RASA1: variants seen among roughly 807,000 people sequenced by gnomAD.
The protein encoded by RASA1 is RAS p21 protein activator 1, also known as ras GTPase-activating protein 1.
Under a neutral mutation model 132.2 loss-of-function variants are expected in RASA1, and 25 were observed. That is an observed-to-expected ratio of 0.19 (90% CI 0.14 to 0.26). RASA1 has a LOEUF of 0.26. RASA1 is among the 10% of genes least tolerant of loss of function. The pLI, the probability that RASA1 is intolerant of heterozygous loss-of-function variation, is 1.00. For missense variants in RASA1, 964 were observed against 1,299.2 expected (o/e 0.74, Z 3.97); for synonymous variants, 477 against 449.9 (o/e 1.06, Z -0.76).
At chr5:87,307,925 A>C (rs1755695728) in intron 1 of RASA1, among the ~76,000 whole-genome samples, 1 of 152,006 alleles carries the variant, frequency 6.6e-6, no homozygotes, top group African/African-American at 2.4e-5. Context: ...CGGCTTAGCC[A>C]CTCCTGTGTT....
At chr5:87,353,135 C>T (rs1396414029) in intron 8 of RASA1, 22 bp from the exon 9 acceptor site, 3 of 1,575,356 alleles carry the variant, frequency 1.9e-6, no homozygotes, top group South Asian at 2.2e-5. Context: ...CAGATTAATA[C>T]TAGAAATTTT....
At chr5:87,363,260 A>G in intron 10 of RASA1, 88 bp from the exon 11 acceptor site, 8 of 1,196,034 alleles carry the variant, frequency 6.7e-6, no homozygotes, top group Non-Finnish European at 9.6e-6. Flanking sequence ...AAATTGATTG[A>G]TTCATATTTT....
At chr5:87,269,913 T>C (rs900296281) in intron 1 of RASA1, among the ~76,000 whole-genome samples, 3 of 152,158 alleles carry the variant, frequency 2.0e-5, no homozygotes, top group Non-Finnish European at 4.4e-5. Flanking sequence ...AAACTTGTTA[T>C]AGATTTCTCA....
At chr5:87,348,677 G>T (rs1759038304) in intron 7 of RASA1, among the ~76,000 whole-genome samples, 1 of 149,584 alleles carries the variant, frequency 6.7e-6, no homozygotes, top group African/African-American at 2.5e-5. Flanking sequence ...TTGCTGTGTT[G>T]TCCAGGCTGG....
At chr5:87,350,093 A>G (rs374727423) in intron 8 of RASA1, among the ~76,000 whole-genome samples, 1 of 151,860 alleles carries the variant, frequency 6.6e-6, no homozygotes, top group Non-Finnish European at 1.5e-5. Context: ...AGTATTCTCT[A>G]TCTGAATTAG....
chr5:87,362,805 A>G lies in RASA1; in HGVS notation c.1453+134A>G. The stretch of plus-strand genomic sequence containing the variant: ...ATTGACACTTGTTTAGAGCCCATAT[A>G]TAAGCATTCTTCAAAATTTAGAGTG... On this transcript the variant is annotated intron_variant, in intron 10 of 24. Coordinates refer to ENST00000274376, the MANE Select transcript of RASA1 (RefSeq NM_002890.3). 1.9e-5 allele frequency: 19 copies of G among 999,152 alleles called. No homozygotes were observed. In the South Asian group the frequency reaches 2.5e-4, roughly 13 times the overall value. The allele number at this position is 999,152 out of a possible 1,614,324, so 61.9% of individuals were successfully genotyped here. A position where few individuals can be genotyped will look rare whatever the true frequency, so the allele number is the denominator to read the frequency against.
intron 4 of RASA1, among the ~76,000 whole-genome samples, chr5:87,337,034 A>G (rs1561291155): frequency 6.6e-6 from 1 of 152,096 alleles, no homozygotes; most frequent in Non-Finnish European, 1.5e-5. Context: ...AATTTACTTA[A>G]TAGATTTTGA....
chr5:87,310,494 T>C (rs1460620135), intron 1 of RASA1, among the ~76,000 whole-genome samples: 1 of 152,158 alleles, frequency 6.6e-6, no homozygotes, highest in Non-Finnish European at 1.5e-5. Flanking sequence ...CCACCAAAAA[T>C]TTACAACTAA....
At chr5:87,277,624 G>A (rs1754126321) in intron 1 of RASA1, among the ~76,000 whole-genome samples, 2 of 152,068 alleles carry the variant, frequency 1.3e-5, no homozygotes, top group African/African-American at 4.8e-5. Flanking sequence ...TGTTGTTTAA[G>A]CCACCCAGAC....
At chr5:87,299,561 A>G (rs367916397) in intron 1 of RASA1, 2 of 152,158 alleles carry the variant, frequency 1.3e-5, no homozygotes, top group South Asian at 4.1e-4. Flanking sequence ...GGTACACAAC[A>G]TAATGTTTTG....
intron 9 of RASA1, among the ~76,000 whole-genome samples, chr5:87,356,384 T>TG (rs1759652702): frequency 8.0e-6 from 1 of 124,512 alleles, no homozygotes; most frequent in African/African-American, 3.9e-5. Context: ...ATGATTGTTA[T>TG]TTTTTTTTTT....
At chr5:87,362,516 T>G in intron 9 of RASA1, 35 bp from the exon 10 acceptor site, 1 of 1,560,256 alleles carries the variant, frequency 6.4e-7, no homozygotes, top group Non-Finnish European at 8.8e-7. Flanking sequence ...CCATCAAGAA[T>G]GTATGAAATA....
chr5:87,374,457 ATATTTT>A, intron 14 of RASA1, 137 bp downstream of exon 14: 1 of 243,990 alleles, frequency 4.1e-6, no homozygotes, highest in Non-Finnish European at 6.7e-6. Flanking sequence ...ATATATATAT[ATATTTT>A]TTTTTTTTTT....
intron 11 of RASA1, among the ~76,000 whole-genome samples, chr5:87,368,876 A>T (rs1441369379): frequency 6.6e-6 from 1 of 152,172 alleles, no homozygotes; most frequent in Non-Finnish European, 1.5e-5. Flanking sequence ...CAGTGCTTTC[A>T]AACAGTTGTT....
chr5:87,305,415 T>A (rs761135919), intron 1 of RASA1, among the ~76,000 whole-genome samples: 5 of 152,162 alleles, frequency 3.3e-5, no homozygotes, highest in Non-Finnish European at 7.3e-5. Flanking sequence ...TATTAAATGG[T>A]GCTGGGATAA....
chr5:87,281,685 A>G (rs896967192), intron 1 of RASA1, among the ~76,000 whole-genome samples: 2 of 151,846 alleles, frequency 1.3e-5, no homozygotes, highest in African/African-American at 4.8e-5. Flanking sequence ...GGTTTAAGCG[A>G]TCCTCCTGTT....
At chr5:87,337,385 A>G (rs1399099545) in intron 4 of RASA1, among the ~76,000 whole-genome samples, 4 of 152,046 alleles carry the variant, frequency 2.6e-5, no homozygotes, top group Non-Finnish European at 5.9e-5. Context: ...ACTTTCAGAG[A>G]AAGAATGCTG....
Position 87,279,584 on chromosome 5 carries a change from T to G in RASA1, c.539+10594T>G, listed in dbSNP as rs142104467. ...TCACTTTTATAAGAAATTGCCAGCA[T>G]TTTCTATAATGGCTATATATTTTTA... On this transcript the variant is annotated intron_variant, in intron 1 of 24. Coordinates refer to ENST00000274376, the MANE Select transcript of RASA1 (RefSeq NM_002890.3). 1.8e-3 allele frequency among the ~76,000 whole-genome samples: 271 copies of G among 152,318 alleles called. 1 individual carries two copies. Among genetic ancestry groups the G allele is most frequent in the African/African-American group, 6.1e-3 (253 of 41,574 alleles).
intron 15 of RASA1, among the ~76,000 whole-genome samples, chr5:87,375,248 T>G (rs1263542397): frequency 6.6e-6 from 1 of 152,092 alleles, no homozygotes; most frequent in Non-Finnish European, 1.5e-5. Flanking sequence ...TTTCTACTTT[T>G]TAGGTTTTTC....
Sources: gnomAD v4.1 joint callset for allele counts (sites outside exome capture counted in the v4.1 genomes callset) on GRCh38, gnomAD v4.1.1 for gene constraint, MANE v1.5 for transcripts, NCBI Gene and HGNC (gene_info 2026-07-23, HGNC 2026-07-21) for gene names.